SIPA1L1: variants seen among roughly 807,000 people sequenced by gnomAD.
SIPA1L1 encodes signal induced proliferation associated 1 like 1.
In SIPA1L1, 26 loss-of-function variants were observed where a neutral mutation model predicts 162.7. The ratio of observed to expected loss-of-function variants is 0.16; its 90% CI spans 0.12 to 0.22. The LOEUF (loss-of-function observed/expected upper bound fraction) is 0.22. Among genes scored for constraint, SIPA1L1 ranks in the 10% least tolerant of loss-of-function variants. The probability of loss-of-function intolerance (pLI) is 1.00; values close to 1 mark genes in which losing one functional copy is unlikely to be tolerated. For synonymous variants in SIPA1L1, 829 were observed against 837.4 expected (o/e 0.99, Z 0.17); for missense variants, 1,874 against 2,241.0 (o/e 0.84, Z 3.31).
chr14:71,424,307 G>A (rs958136836), intron 2 of SIPA1L1, among the ~76,000 whole-genome samples: 6 of 152,008 alleles, frequency 3.9e-5, no homozygotes, highest in African/African-American at 1.4e-4. Context: ...TCCTGTACTA[G>A]GTTGAATAGA....
intron 5 of SIPA1L1, among the ~76,000 whole-genome samples, chr14:71,602,846 G>A (rs2036945512): frequency 6.6e-6 from 1 of 152,184 alleles, no homozygotes; most frequent in South Asian, 2.1e-4. Context: ...CACATGCGAG[G>A]GATCTAGGTT....
intron 2 of SIPA1L1, among the ~76,000 whole-genome samples, chr14:71,478,142 T>C (rs984540755): frequency 1.3e-5 from 2 of 152,240 alleles, no homozygotes; most frequent in African/African-American, 4.8e-5. Flanking sequence ...TTTTTTCATA[T>C]GCTTACTTGC....
At chr14:71,381,975 A>C (rs1245442637) in intron 2 of SIPA1L1, among the ~76,000 whole-genome samples, 1 of 151,742 alleles carries the variant, frequency 6.6e-6, no homozygotes, top group Non-Finnish European at 1.5e-5. Context: ...TTTTTGTTTA[A>C]ATTTTTGAGG....
chr14:71,349,009 C>T (rs1238310499), intron 2 of SIPA1L1, among the ~76,000 whole-genome samples: 5 of 152,132 alleles, frequency 3.3e-5, no homozygotes, highest in Non-Finnish European at 5.9e-5. Context: ...CCTCATCCAC[C>T]GCAAGGGTTG....
At chr14:71,388,169 T>C (rs1417900223) in intron 2 of SIPA1L1, among the ~76,000 whole-genome samples, 2 of 152,190 alleles carry the variant, frequency 1.3e-5, no homozygotes, top group East Asian at 3.8e-4. Flanking sequence ...CCTAAGTCAG[T>C]AGATACTGCA....
chr14:71,345,572 A>G (rs1237263234), intron 2 of SIPA1L1, among the ~76,000 whole-genome samples: 1 of 142,656 alleles, frequency 7.0e-6, no homozygotes, highest in East Asian at 2.0e-4. Context: ...CCCACAGCTT[A>G]CTCTTTTTTT....
chr14:71,470,541 A>T (rs1402426152), intron 2 of SIPA1L1, among the ~76,000 whole-genome samples: 2 of 152,200 alleles, frequency 1.3e-5, no homozygotes, highest in African/African-American at 4.8e-5. Context: ...TACTTGCAAG[A>T]GTTGTATATA....
chr14:71,447,261 A>G (rs1254564089), intron 2 of SIPA1L1, among the ~76,000 whole-genome samples: 1 of 152,018 alleles, frequency 6.6e-6, no homozygotes, highest in Non-Finnish European at 1.5e-5. Context: ...AATTTGTAGG[A>G]TATAATAAAG....
intron 2 of SIPA1L1, among the ~76,000 whole-genome samples, chr14:71,349,612 G>T (rs1218282070): frequency 6.6e-6 from 1 of 152,140 alleles, no homozygotes; most frequent in Non-Finnish European, 1.5e-5. Flanking sequence ...TTTAGTATAG[G>T]TTTAAACAGG....
chr14:71,419,559 G>A (rs377071586), intron 2 of SIPA1L1, among the ~76,000 whole-genome samples: 3 of 146,032 alleles, frequency 2.1e-5, no homozygotes, highest in Non-Finnish European at 4.5e-5. Context: ...CTGCAGTGGC[G>A]CAATCTCGGC....
intron 16 of SIPA1L1, among the ~76,000 whole-genome samples, chr14:71,706,034 T>G (rs923878979): frequency 1.3e-5 from 2 of 152,076 alleles, no homozygotes; most frequent in African/African-American, 2.4e-5. Flanking sequence ...CGTCATTCTA[T>G]AGAATGAGGA....
At chr14:71,484,347 A>G (rs1335782388) in intron 2 of SIPA1L1, among the ~76,000 whole-genome samples, 2 of 139,382 alleles carry the variant, frequency 1.4e-5, no homozygotes, top group Admixed American at 1.5e-4. Context: ...TATCTTTGAT[A>G]CTCAAATAAG....
At chr14:71,508,438 G>T (rs146602398) in intron 2 of SIPA1L1, among the ~76,000 whole-genome samples, 23 of 152,278 alleles carry the variant, frequency 1.5e-4, no homozygotes, top group African/African-American at 5.3e-4. Context: ...TTGGAAAAGG[G>T]ATCTGGGTCA....
chr14:71,330,126 A>T (rs2034341744), intron 2 of SIPA1L1, among the ~76,000 whole-genome samples: 1 of 152,220 alleles, frequency 6.6e-6, no homozygotes, highest in Non-Finnish European at 1.5e-5. Flanking sequence ...GGTTATGCCT[A>T]GATATCATCA....
At chr14:71,540,332 AT>A (rs1237751053) in intron 4 of SIPA1L1, among the ~76,000 whole-genome samples, 5 of 152,172 alleles carry the variant, frequency 3.3e-5, no homozygotes. Flanking sequence ...TCAAAATACC[AT>A]CAAAGGCTGA....
intron 2 of SIPA1L1, among the ~76,000 whole-genome samples, chr14:71,349,313 C>G (rs1407242793): frequency 2.6e-5 from 4 of 152,098 alleles, no homozygotes; most frequent in Non-Finnish European, 5.9e-5. Context: ...GGGGCAGAAC[C>G]CTTCTGGAAT....
At chr14:71,323,165 T>C (rs1179095706) in intron 2 of SIPA1L1, among the ~76,000 whole-genome samples, 2 of 152,252 alleles carry the variant, frequency 1.3e-5, no homozygotes, top group Non-Finnish European at 1.5e-5. Flanking sequence ...TTAGGAACTT[T>C]TAAAAAACAC....
intron 2 of SIPA1L1, among the ~76,000 whole-genome samples, chr14:71,339,286 T>C (rs958861753): frequency 1.3e-5 from 2 of 152,144 alleles, no homozygotes; most frequent in Admixed American, 6.5e-5. Context: ...ATTAACCCGA[T>C]GTTTACTGAC....
intron 2 of SIPA1L1, among the ~76,000 whole-genome samples, chr14:71,479,575 T>G (rs1226613899): frequency 6.6e-6 from 1 of 151,368 alleles, no homozygotes; most frequent in Non-Finnish European, 1.5e-5. Flanking sequence ...TATTTTTTAT[T>G]TTTTTTATTT....
Sources: allele counts gnomAD v4.1 joint callset (sites outside exome capture counted in the v4.1 genomes callset), GRCh38; gene constraint gnomAD v4.1.1; transcripts MANE v1.5; gene names NCBI Gene and HGNC (gene_info 2026-07-23, HGNC 2026-07-21).